Variants in TNKS2 observed in about 807,000 individuals in gnomAD.
TNKS2 encodes tankyrase 2.
TNKS2 carries 72 observed loss-of-function variants against 137.6 expected under a neutral mutation model. The ratio of observed to expected loss-of-function variants is 0.52; its 90% CI spans 0.43 to 0.64. TNKS2 has a LOEUF of 0.64. Among genes scored for constraint, TNKS2 ranks in the 30% least tolerant of loss-of-function variants. The pLI, the probability that TNKS2 is intolerant of heterozygous loss-of-function variation, is 0.00. For missense variants in TNKS2, 1,049 were observed against 1,410.2 expected (o/e 0.74, Z 4.10); for synonymous variants, 516 against 512.1 (o/e 1.01, Z -0.10).
At chr10:91,821,440 T>C (rs11186699) in intron 6 of TNKS2, among the ~76,000 whole-genome samples, 28,908 of 151,832 alleles carry the variant, frequency 0.19, 2,858 homozygotes, top group Middle Eastern at 0.28. Context: ...TATTCAAAAA[T>C]AGTAAGGAAA....
chr10:91,853,494 T>TAA (rs983721924), intron 21 of TNKS2, among the ~76,000 whole-genome samples: 1 of 152,210 alleles, frequency 6.6e-6, no homozygotes, highest in South Asian at 2.1e-4. Context: ...ATTCTGTACT[T>TAA]ACACCTGATT....
chr10:91,810,398 C>A (rs79490907), intron 1 of TNKS2, among the ~76,000 whole-genome samples: 10,714 of 151,328 alleles, frequency 0.071, 1,259 homozygotes, highest in African/African-American at 0.25. Context: ...ACAACAACAA[C>A]AAAAAAAACC....
intron 2 of TNKS2, among the ~76,000 whole-genome samples, chr10:91,816,010 G>A (rs1429781831): frequency 4.0e-5 from 6 of 148,324 alleles, no homozygotes; most frequent in East Asian, 2.0e-4. Flanking sequence ...GTGCAGTGGC[G>A]TGATCTCCGC....
At chr10:91,813,364 T>G (rs1238070892) in intron 2 of TNKS2, among the ~76,000 whole-genome samples, 157 bp downstream of exon 2, 2 of 152,246 alleles carry the variant, frequency 1.3e-5, no homozygotes, top group Admixed American at 6.5e-5. Context: ...GAGTGTCTTT[T>G]TGTGTGTAGT....
chr10:91,823,562 A>G (rs567539974), intron 7 of TNKS2, among the ~76,000 whole-genome samples: 2 of 152,020 alleles, frequency 1.3e-5, no homozygotes, highest in East Asian at 1.9e-4. Flanking sequence ...CCAGACCTCA[A>G]GTGATCTGCC....
At chr10:91,804,620 T>C (rs1293928973) in intron 1 of TNKS2, among the ~76,000 whole-genome samples, 2 of 152,234 alleles carry the variant, frequency 1.3e-5, no homozygotes, top group Admixed American at 6.5e-5. Context: ...AGTGAGAACA[T>C]GATCAGAATA....
rs1167425485 is a variant in TNKS2, at chr10:91,849,492, T to G, written c.2612-20T>G. 1 of 1,596,176 alleles carries G rather than the reference T, an allele frequency of 6.3e-7. No individual in the cohort carries two copies. The highest frequency in any genetic ancestry group is 8.6e-7 in the Non-Finnish European group (1 of 1,168,578). ...TTCTGATGTGAAATTCCATTTGTTT[T>G]GGATTTTTTTATTTCCCAGTTCCAG... On this transcript the variant is annotated intron_variant, in intron 19 of 26. Transcript: ENST00000371627.
chr10:91,816,041 C>A lies in TNKS2; in HGVS notation c.425-1093C>A, dbSNP rs1028252680. On this transcript the variant is annotated intron_variant, in intron 2 of 26. Transcript: ENST00000371627. ...TCCGCTCACTGCAAGCTCCGCCTCC[C>A]GGGTTCACGCCATTCTACTGCCTCA... 1.1e-4 allele frequency among the ~76,000 whole-genome samples: 16 copies of A among 151,004 alleles called. No individual in the cohort carries two copies. The South Asian group carries it at 1.5e-3, about 14-fold the overall frequency.
At chr10:91,816,230 G>T (rs955744827) in intron 2 of TNKS2, among the ~76,000 whole-genome samples, 1 of 152,070 alleles carries the variant, frequency 6.6e-6, no homozygotes, top group Admixed American at 6.6e-5. Flanking sequence ...TTACAGGCGT[G>T]AGCCACCACA....
rs541260949 is a variant in TNKS2, at chr10:91,840,635, T to C, written c.1602T>C (p.Ala534=). 1 of 1,614,152 alleles carries C rather than the reference T, an allele frequency of 6.2e-7. No homozygotes were observed. Among genetic ancestry groups the C allele is most frequent in the East Asian group, 2.2e-5 (1 of 44,880 alleles). ...AGTCTACACCACTTCATTTTGCAGC[T>C]GGGTATAACAGAGTGTCCGTGGTGG... ...GRQSTPLHFA[A]GYNRVSVVEY... is the part of the protein sequence containing the mutation. The change falls in exon 14 of 27, where the codon GCT becomes GCC. Residue 534 remains alanine (A), a synonymous_variant. Transcript: ENST00000371627.
At position 91,859,405 on chromosome 10, in the gene TNKS2, T is replaced by A. The variant is rs968429801; in HGVS notation, c.3095-57T>A. ...TTCAGTTTCTAAGAAACTAGTTTTT[T>A]ACTTTTTATTCTAAGATAAATTTTA... On this transcript the variant is annotated intron_variant, in intron 24 of 26. Transcript: ENST00000371627. 4.4e-5 allele frequency: 60 copies of A among 1,350,840 alleles called. 1 individual carries two copies. In the Admixed American group the frequency reaches 1.1e-3, roughly 26 times the overall value. The allele number at this position is 1,350,840 out of a possible 1,614,324, so 83.7% of individuals were successfully genotyped here. A position where few individuals can be genotyped will look rare whatever the true frequency, so the allele number is the denominator to read the frequency against.
intron 1 of TNKS2, among the ~76,000 whole-genome samples, chr10:91,809,313 AT>A (rs1844424532): frequency 6.6e-6 from 1 of 152,222 alleles, no homozygotes; most frequent in Non-Finnish European, 1.5e-5. Flanking sequence ...AGTATTACCT[AT>A]GGTGTTCACA....
chr10:91,813,345 C>A (rs1844569965), intron 2 of TNKS2, 138 bp downstream of exon 2: 1 of 811,476 alleles, frequency 1.2e-6, no homozygotes, highest in African/African-American at 1.7e-5. Flanking sequence ...AATCTAACTA[C>A]TATTTACTGA....
At chr10:91,858,751 G>C (rs951140187) in intron 24 of TNKS2, among the ~76,000 whole-genome samples, 1 of 152,228 alleles carries the variant, frequency 6.6e-6, no homozygotes, top group Non-Finnish European at 1.5e-5. Flanking sequence ...GCTCACGCCT[G>C]TAATCCCAAC....
intron 7 of TNKS2, among the ~76,000 whole-genome samples, chr10:91,824,338 C>A (rs918856556): frequency 1.2e-4 from 19 of 152,302 alleles, no homozygotes; most frequent in Middle Eastern, 3.4e-3. Context: ...AGGGCATTTG[C>A]TAGCCATGGA....
intron 20 of TNKS2, among the ~76,000 whole-genome samples, chr10:91,850,132 G>C (rs990466131): frequency 1.3e-5 from 2 of 152,060 alleles, no homozygotes; most frequent in African/African-American, 4.8e-5. Flanking sequence ...TTGGGAGGCC[G>C]AGGTGGGTGG....
intron 5 of TNKS2, 147 bp downstream of exon 5, chr10:91,819,704 C>A: frequency 1.3e-6 from 1 of 778,512 alleles, no homozygotes; most frequent in Non-Finnish European, 2.0e-6. Flanking sequence ...AATTCTTAAG[C>A]CTAGTAAAAC....
In TNKS2 at chr10:91,826,275, G is replaced by A. The variant is rs554265597; in HGVS notation, c.796-742G>A. ...AATTTTCCACTTGTGTCGTCATGTC[G>A]GTATTCAAAAGTTTTGGATTTTGGA... is the stretch of plus-strand genomic sequence containing the variant. On this transcript the variant is annotated intron_variant, in intron 7 of 26. Coordinates refer to ENST00000371627, the MANE Select transcript of TNKS2 (RefSeq NM_025235.4). Among the ~76,000 whole-genome samples the A allele has an allele frequency of 6.6e-5, 10 of 152,216 alleles. No homozygotes were observed. The East Asian group carries it at 1.2e-3, about 18-fold the overall frequency.
chr10:91,819,909 T>C (rs767855622), intron 5 of TNKS2, 30 bp from the exon 6 acceptor site: 7 of 1,469,650 alleles, frequency 4.8e-6, no homozygotes, highest in Middle Eastern at 4.4e-4. Flanking sequence ...ATTATTTGAA[T>C]TTCATTAATA....
Sources: allele counts gnomAD v4.1 joint callset (sites outside exome capture counted in the v4.1 genomes callset), GRCh38; gene constraint gnomAD v4.1.1; transcripts MANE v1.5; gene names NCBI Gene and HGNC (gene_info 2026-07-23, HGNC 2026-07-21).